TET3: variants seen among roughly 807,000 people sequenced by gnomAD.
The protein encoded by TET3 is tet methylcytosine dioxygenase 3, also known as methylcytosine dioxygenase TET3.
A neutral mutation model predicts 141.4 loss-of-function variants in TET3; 19 were observed. The ratio of observed to expected loss-of-function variants is 0.13; its 90% CI spans 0.09 to 0.20. The LOEUF is 0.20. Among genes scored for constraint, TET3 ranks in the 10% least tolerant of loss-of-function variants. The pLI is 1.00. For missense variants in TET3, 1,874 were observed against 2,356.9 expected, an observed-to-expected ratio of 0.80 and a Z score of 4.24; for synonymous variants, 1,043 against 980.9, an observed-to-expected ratio of 1.06 and a Z score of -1.18.
intron 3 of TET3, among the ~76,000 whole-genome samples, chr2:74,037,736 C>G (rs1417673470): frequency 6.6e-6 from 1 of 152,200 alleles, no homozygotes; most frequent in Non-Finnish European, 1.5e-5. Context: ...AGACTCTGTT[C>G]CTCTTGTAAC....
Position 74,101,214 on chromosome 2 carries a change from G to A in TET3, c.4426G>A (p.Gly1476Arg), listed in dbSNP as rs1691188919. 1 of 1,613,070 alleles carries A rather than the reference G, an allele frequency of 6.2e-7. No homozygotes were observed. Among genetic ancestry groups the A allele is most frequent in the Admixed American group, 1.7e-5 (1 of 59,904 alleles). ...AIVPDKLSSF[G>R]ASCLAPSHFT... ...CGTCCCTGACAAGCTCAGTTCCTTTGGGGCCAGCTGCCTGGCCCCTTCCCA... is the reference window on the plus strand; with the variant it reads ...CGTCCCTGACAAGCTCAGTTCCTTTAGGGCCAGCTGCCTGGCCCCTTCCCA... The change falls in exon 12 of 12, where the codon GGG (glycine) becomes AGG (arginine). Residue 1476 changes from glycine (G) to arginine (R), a missense_variant. By Grantham distance (125) the Gly-to-Arg change is moderately radical. Around this residue, in one of 10 missense-constraint regions of TET3, gnomAD observed 602 missense variants for 590.2 expected, o/e 1.02. Coordinates refer to ENST00000409262, the MANE Select transcript of TET3 (RefSeq NM_001287491.2). The surrounding 1 kb of genome is among the most constrained non-coding windows in gnomAD (Gnocchi z 8.5).
intron 10 of TET3, among the ~76,000 whole-genome samples, chr2:74,097,380 A>AT (rs1457164040): frequency 6.6e-6 from 1 of 152,220 alleles, no homozygotes; most frequent in African/African-American, 2.4e-5. Context: ...GACAAGTCGT[A>AT]TATAGTAGTG....
chr2:74,062,946 C>T (rs191553123), intron 4 of TET3, among the ~76,000 whole-genome samples: 2 of 145,788 alleles, frequency 1.4e-5, no homozygotes, highest in African/African-American at 2.6e-5. Context: ...TGCAGTGGCG[C>T]GATCTCGTCT....
chr2:74,116,483 G>C, the TET3 span, among the ~76,000 whole-genome samples: 12 of 152,058 alleles, frequency 7.9e-5, no homozygotes, highest in African/African-American at 2.9e-4. Flanking sequence ...AGGAGTTCAA[G>C]ACCAGCCAAC....
rs1450276080 is a variant in TET3 at position 74,089,971 on chromosome 2, T to C, written c.2963T>C (p.Met988Thr). 1 of 1,614,074 alleles carries C rather than the reference T, an allele frequency of 6.2e-7. No individual in the cohort carries two copies. Among genetic ancestry groups the C allele is most frequent in the Non-Finnish European group, 8.5e-7 (1 of 1,179,904 alleles). Reference sequence around the variant, plus strand: ...TTCTCCTTTGGTTGTTCCTGGAGCATGTACTTCAACGGCTGCAAGTATGCT... The same window carrying C: ...TTCTCCTTTGGTTGTTCCTGGAGCACGTACTTCAACGGCTGCAAGTATGCT... ...ASFSFGCSWS[M>T]YFNGCKYARS... The change falls in exon 8 of 12, where the codon ATG (methionine) becomes ACG (threonine). Residue 988 changes from methionine to threonine, a missense_variant. By Grantham distance (81) the Met-to-Thr change is moderately conservative. Around this residue, in one of 10 missense-constraint regions of TET3, gnomAD observed 126 missense variants for 327.4 expected, o/e 0.38. Coordinates refer to ENST00000409262, the MANE Select transcript of TET3 (RefSeq NM_001287491.2).
chr2:74,037,002 T>G (rs1264644809), intron 3 of TET3, among the ~76,000 whole-genome samples: 1 of 152,232 alleles, frequency 6.6e-6, no homozygotes, highest in Non-Finnish European at 1.5e-5. Flanking sequence ...CAAGAACAAC[T>G]GCCTCCCCCT....
At chr2:74,068,883 A>G (rs1376592566) in intron 4 of TET3, among the ~76,000 whole-genome samples, 3 of 152,160 alleles carry the variant, frequency 2.0e-5, no homozygotes, top group Non-Finnish European at 4.4e-5. Context: ...GACCTTGTTC[A>G]GCTATAGTAG....
At chr2:74,121,055 A>G in the TET3 span, 1 of 152,174 alleles carries the variant, frequency 6.6e-6, no homozygotes, top group Non-Finnish European at 1.5e-5. Flanking sequence ...AGGCAAGTAA[A>G]AGACAATTGA....
intron 2 of TET3, among the ~76,000 whole-genome samples, chr2:73,996,670 A>C (rs1322599604): frequency 2.0e-5 from 3 of 151,884 alleles, no homozygotes; most frequent in Admixed American, 2.0e-4. Context: ...ACCACACCTG[A>C]ATAATTTTTG....
intron 4 of TET3, among the ~76,000 whole-genome samples, chr2:74,071,952 A>G (rs150862671): frequency 1.5e-3 from 230 of 152,324 alleles, no homozygotes; most frequent in Middle Eastern, 0.01. Context: ...TTCACGTAAA[A>G]TTAACCATCT....
intron 4 of TET3, among the ~76,000 whole-genome samples, chr2:74,067,640 G>A (rs1688981235): frequency 6.6e-6 from 1 of 152,244 alleles, no homozygotes; most frequent in Admixed American, 6.5e-5. Flanking sequence ...AACACCCTGA[G>A]AAAGTTCAAT....
At chr2:74,114,301 C>T in the TET3 span, among the ~76,000 whole-genome samples, 31 of 151,408 alleles carry the variant, frequency 2.0e-4, no homozygotes, top group African/African-American at 7.3e-4. Flanking sequence ...CTTGGGGACT[C>T]GGGGGGGAGG....
rs61215097 is a variant in TET3 at position 74,021,504 on chromosome 2, A to G, written c.360+18338A>G. On this transcript the variant is annotated intron_variant, in intron 3 of 11. Transcript: ENST00000409262. ...GCATGTGCATATGGGAGGTGGGAAG[A>G]GACTACTGTCCCTGGTCAGCCTGTA... 7.5e-3 allele frequency among the ~76,000 whole-genome samples: 1,147 copies of G among 152,328 alleles called. 10 individuals carry two copies. The highest frequency in any genetic ancestry group is 0.027 in the African/African-American group (1,106 of 41,566).
the TET3 span, among the ~76,000 whole-genome samples, chr2:74,129,817 G>C: frequency 6.6e-6 from 1 of 152,066 alleles, no homozygotes; most frequent in South Asian, 2.1e-4. Context: ...CTTTAGGCCA[G>C]GTGCAGTGGC....
intron 2 of TET3, among the ~76,000 whole-genome samples, chr2:73,997,000 C>T (rs1684627612): frequency 6.6e-6 from 1 of 152,216 alleles, no homozygotes. Flanking sequence ...GTGACTGGTA[C>T]GAATTCTAGC....
intron 2 of TET3, among the ~76,000 whole-genome samples, chr2:74,001,383 A>C (rs188126004): frequency 6.6e-6 from 1 of 152,312 alleles, no homozygotes; most frequent in Non-Finnish European, 1.5e-5. Flanking sequence ...CAGCTTATTC[A>C]TCTGTGAGAA....
At chr2:74,122,511 A>ATATATTTTT in the TET3 span, 5 of 47,556 alleles carry the variant, frequency 1.1e-4, no homozygotes, top group Non-Finnish European at 1.5e-4. Flanking sequence ...ATATATATAT[A>ATATATTTTT]TTTTTTTTTT....
intron 3 of TET3, among the ~76,000 whole-genome samples, chr2:74,006,866 A>G (rs991282840): frequency 2.0e-5 from 3 of 152,180 alleles, no homozygotes; most frequent in African/African-American, 7.2e-5. Flanking sequence ...AGCTTCAGAG[A>G]AGGAGATACA....
rs1391401559 is a variant in TET3 at position 74,058,198 on chromosome 2, C to T, written c.2494+9787C>T. 2.0e-5 allele frequency among the ~76,000 whole-genome samples: 3 copies of T among 152,146 alleles called. 1 individual carries two copies. The highest frequency in any genetic ancestry group is 4.4e-5 in the Non-Finnish European group (3 of 68,024). On this transcript the variant is annotated intron_variant, in intron 4 of 11. Coordinates refer to ENST00000409262, the MANE Select transcript of TET3 (RefSeq NM_001287491.2). ...AAAAAGCAGATCGGTGAGGAAGAGG[C>T]ATGGTCTTGAAAGTTCACCCCAAAA...
Sources: gnomAD v4.1 joint callset for allele counts (sites outside exome capture counted in the v4.1 genomes callset) on GRCh38, gnomAD v4.1.1 for gene constraint, gnomAD v4.1.1 regional missense constraint, Gnocchi (gnomAD v3.1) non-coding constraint, MANE v1.5 for transcripts, NCBI Gene and HGNC (gene_info 2026-07-23, HGNC 2026-07-21) for gene names.